RYR3: variants seen among roughly 807,000 people sequenced by gnomAD.
The protein encoded by RYR3 is ryanodine receptor 3.
RYR3 carries 207 observed loss-of-function variants against 584.3 expected under a neutral mutation model. The observed-to-expected ratio is 0.35, with a 90% confidence interval of 0.32 to 0.40. The LOEUF (loss-of-function observed/expected upper bound fraction) is 0.40, where lower values mean the gene tolerates loss of function less well. Ranked by LOEUF, RYR3 falls within the 10% of genes least tolerant of loss-of-function variation. The pLI is 1.00. For missense variants in RYR3, 5,616 were observed against 6,089.2 expected (o/e 0.92, Z 2.59); for synonymous variants, 2,416 against 2,248.5 (o/e 1.07, Z -2.11).
chr15:33,639,244 G>A (rs942096968), intron 27 of RYR3, among the ~76,000 whole-genome samples: 8 of 152,212 alleles, frequency 5.3e-5, no homozygotes, highest in African/African-American at 1.7e-4. Context: ...TTATTAGGAT[G>A]CTGTTTAATA....
chr15:33,835,851 G>A (rs754682497), intron 87 of RYR3, among the ~76,000 whole-genome samples: 1 of 152,198 alleles, frequency 6.6e-6, no homozygotes, highest in Non-Finnish European at 1.5e-5. Flanking sequence ...GCTGGGCAGT[G>A]TAGTGTAGTC....
chr15:33,662,176 G>T lies in RYR3; in HGVS notation c.4646G>T (p.Cys1549Phe), dbSNP rs370222186. ...ENRCVDILEL[C>F]EQEDLMRFHY... ...AGGTGTGTGGATATCCTGGAGCTCT[G>T]TGAGCAGGAGGACCTGATGCGGTTC... The change falls in exon 35 of 104, where the codon TGT becomes TTT. Residue 1549 changes from cysteine (C) to phenylalanine (F), a missense_variant. This residue lies in a region of RYR3 where 753 missense variants were observed against 741.0 expected (regional missense o/e 1.02). Transcript: ENST00000634891. 6.2e-7 allele frequency: 1 copy of T among 1,601,924 alleles called. No individual in the cohort carries two copies. The highest frequency in any genetic ancestry group is 8.5e-7 in the Non-Finnish European group (1 of 1,175,060).
At chr15:33,585,794 A>G (rs1229608716) in intron 15 of RYR3, among the ~76,000 whole-genome samples, 2 of 152,168 alleles carry the variant, frequency 1.3e-5, no homozygotes, top group Non-Finnish European at 2.9e-5. Context: ...TCACCAGTAA[A>G]TTACAGACTG....
intron 81 of RYR3, among the ~76,000 whole-genome samples, chr15:33,823,545 G>A (rs971185654): frequency 2.0e-5 from 3 of 152,190 alleles, no homozygotes; most frequent in Non-Finnish European, 1.5e-5. Context: ...TTAGGGTAGT[G>A]TGTATTTTGA....
chr15:33,519,136 G>A (rs1201987690), intron 3 of RYR3, among the ~76,000 whole-genome samples: 1 of 152,172 alleles, frequency 6.6e-6, no homozygotes, highest in South Asian at 2.1e-4. Flanking sequence ...AGAATGCATG[G>A]GGGGCAGTTC....
rs77194743 is a variant in RYR3, at chr15:33,513,018, G to C, written c.279+9280G>C. 2.5e-3 allele frequency among the ~76,000 whole-genome samples: 380 copies of C among 152,250 alleles called. 12 individuals carry two copies. The East Asian group carries it at 0.058, about 23-fold the overall frequency. On this transcript the variant is annotated intron_variant, in intron 3 of 103. Transcript: ENST00000634891. ...AAAATGAATTTCAGCTGCGTTTCTG[G>C]CAACATGTTTTAATCCTTAATTGTA...
intron 1 of RYR3, among the ~76,000 whole-genome samples, chr15:33,370,001 G>A (rs2040212113): frequency 6.6e-6 from 1 of 152,176 alleles, no homozygotes; most frequent in Admixed American, 6.5e-5. Flanking sequence ...CAATGTATAT[G>A]TGTTCACTTG....
At chr15:33,681,260 C>T (rs370418864) in intron 38 of RYR3, among the ~76,000 whole-genome samples, 49 of 152,302 alleles carry the variant, frequency 3.2e-4, no homozygotes, top group African/African-American at 1.1e-3. Flanking sequence ...TTCTTAACAG[C>T]TGGAGTACGT....
chr15:33,444,901 A>AT (rs1198926023), intron 1 of RYR3, among the ~76,000 whole-genome samples: 2 of 148,604 alleles, frequency 1.3e-5, no homozygotes, highest in Non-Finnish European at 2.9e-5. Flanking sequence ...AACTTAAAGT[A>AT]TAAAAAAAAA....
At chr15:33,758,248 T>C (rs1232308889) in intron 60 of RYR3, among the ~76,000 whole-genome samples, 2 of 151,780 alleles carry the variant, frequency 1.3e-5, no homozygotes, top group African/African-American at 4.8e-5. Context: ...GCTGCAGAAG[T>C]TTTTTTTCCT....
intron 45 of RYR3, among the ~76,000 whole-genome samples, chr15:33,725,449 C>T (rs1279215136): frequency 6.6e-6 from 1 of 152,152 alleles, no homozygotes; most frequent in African/African-American, 2.4e-5. Flanking sequence ...CTACACCCCG[C>T]CAGAGACTGC....
At chr15:33,811,353 A>C (rs2152946004) in intron 72 of RYR3, among the ~76,000 whole-genome samples, 1 of 152,018 alleles carries the variant, frequency 6.6e-6, no homozygotes, top group South Asian at 2.1e-4. Context: ...AAAATACAAA[A>C]AGTTAGCCGG....
At chr15:33,611,406 G>A (rs1390091981) in intron 18 of RYR3, among the ~76,000 whole-genome samples, 7 of 151,594 alleles carry the variant, frequency 4.6e-5, no homozygotes, top group Admixed American at 1.3e-4. Context: ...AATACAAAAA[G>A]TTAGGCGGGC....
Position 33,662,672 on chromosome 15 carries a change from A to AG in RYR3, c.5148dup (p.Ser1717ValfsTer23), listed in dbSNP as rs760871679. Reference sequence around the variant, plus strand: ...GCGGGGCCCACATCCGAGACCCTGTAGGGGGGTCTGTGGAGTTCCAGTTTG... The same window carrying AG: ...GCGGGGCCCACATCCGAGACCCTGTAGGGGGGGTCTGTGGAGTTCCAGTTTG... On this transcript the variant is annotated frameshift_variant, in exon 35 of 104. Transcript: ENST00000634891. LOFTEE classifies it high-confidence loss of function. The AG allele has an allele frequency of 1.9e-6, 3 of 1,614,124 alleles. No homozygotes were observed. The highest frequency in any genetic ancestry group is 1.1e-5 in the South Asian group (1 of 91,076).
intron 3 of RYR3, among the ~76,000 whole-genome samples, chr15:33,525,361 C>T (rs2054309894): frequency 6.6e-6 from 1 of 152,158 alleles, no homozygotes; most frequent in South Asian, 2.1e-4. Flanking sequence ...TTTACTAAAA[C>T]CTTGGTTCTT....
At chr15:33,740,396 ACTCAG>A (rs2069963767) in intron 51 of RYR3, among the ~76,000 whole-genome samples, 3 of 152,084 alleles carry the variant, frequency 2.0e-5, no homozygotes, top group African/African-American at 7.2e-5. Context: ...CATAAATAAC[ACTCAG>A]CTGTGTCCTG....
intron 1 of RYR3, among the ~76,000 whole-genome samples, chr15:33,344,185 G>C (rs1433963786): frequency 6.6e-6 from 1 of 152,114 alleles, no homozygotes; most frequent in South Asian, 2.1e-4. Context: ...TGAAGGTGAG[G>C]TTTCAATTCA....
Position 33,865,588 on chromosome 15 carries a change from A to C in RYR3, c.*362A>C, listed in dbSNP as rs1890230283. 5.2e-6 allele frequency: 1 copy of C among 194,056 alleles called. No homozygotes were observed. The highest frequency in any genetic ancestry group is 2.3e-5 in the African/African-American group (1 of 42,808). The allele number at this position is 194,056 out of a possible 1,614,324, so 12.0% of individuals were successfully genotyped here. On this transcript the variant is annotated 3_prime_UTR_variant, in exon 104 of 104. Coordinates refer to ENST00000634891, the MANE Select transcript of RYR3 (RefSeq NM_001036.6). ...TCGAATGTGTAATACCTGAAAATTT[A>C]AACACTTGAATGTCATCATGGTATC... is the stretch of plus-strand genomic sequence containing the variant.
intron 12 of RYR3, among the ~76,000 whole-genome samples, chr15:33,575,127 A>G (rs1468250169): frequency 6.6e-6 from 1 of 152,178 alleles, no homozygotes; most frequent in African/African-American, 2.4e-5. Context: ...AGATCTATAA[A>G]ACAAGTTCTT....
Sources: gnomAD v4.1 joint callset for allele counts (sites outside exome capture counted in the v4.1 genomes callset) on GRCh38, gnomAD v4.1.1 for gene constraint, gnomAD v4.1.1 regional missense constraint, MANE v1.5 for transcripts, NCBI Gene and HGNC (gene_info 2026-07-23, HGNC 2026-07-21) for gene names.